Variants in TBC1D4 observed in about 807,000 individuals in gnomAD.
The protein encoded by TBC1D4 is TBC (Tre-2, BUB2, CDC16) domain-containing protein.
Under a neutral mutation model 142.5 loss-of-function variants are expected in TBC1D4, and 121 were observed. That is an observed-to-expected ratio of 0.85 (90% confidence interval 0.73 to 0.99). TBC1D4 has a LOEUF of 0.99. Ranked by LOEUF, TBC1D4 falls within the 50% of genes least tolerant of loss-of-function variation. TBC1D4 has a pLI of 0.00. For synonymous variants in TBC1D4, 630 were observed against 628.2 expected (o/e 1.00, Z -0.04); for missense variants, 1,475 against 1,606.6 (o/e 0.92, Z 1.40).
At chr13:75,356,419 G>C (rs1214086843) in intron 3 of TBC1D4, among the ~76,000 whole-genome samples, 168 bp from the exon 4 acceptor site, 1 of 152,170 alleles carries the variant, frequency 6.6e-6, no homozygotes, top group African/African-American at 2.4e-5. Flanking sequence ...GTGGCCTGTT[G>C]ATACATAAAA....
rs61737965 is a variant in TBC1D4 at position 75,341,187 on chromosome 13, G to A, written c.1549C>T (p.His517Tyr). The A allele has an allele frequency of 2.3e-5, 37 of 1,613,696 alleles. No individual in the cohort carries two copies. Among genetic ancestry groups the A allele is most frequent in the Non-Finnish European group, 2.9e-5 (34 of 1,179,926 alleles). Residue 517 changes from histidine to tyrosine, a missense_variant, in exon 7 of 21, where the codon CAC becomes TAC. Transcript: ENST00000377636. ...DQEENELVIL[H>Y]LRQLCEAKQK... ...TTGGCTTCACACAGCTGCCTCAGGT[G>A]TAAAATCACAAGTTCATTTTCTTCC...
In TBC1D4 at chr13:75,299,266, G is replaced by A. The variant is rs1566350002; in HGVS notation, c.3156+64C>T. The A allele has an allele frequency of 2.5e-6, 4 of 1,609,352 alleles. No homozygotes were observed. In the Admixed American group the frequency reaches 6.7e-5, roughly 27 times the overall value. ...TCTTTAAATCTGAACTGTAATAATT[G>A]AGAAGAGGGCCAGGATTTCTGGTAA... On this transcript the variant is annotated intron_variant, in intron 17 of 20. Transcript: ENST00000377636.
chr13:75,306,450 G>T lies in TBC1D4; in HGVS notation c.2615C>A (p.Ser872Tyr), dbSNP rs868504167. The T allele has an allele frequency of 6.2e-7, 1 of 1,613,104 alleles. No homozygotes were observed. The highest frequency in any genetic ancestry group is 8.5e-7 in the Non-Finnish European group (1 of 1,179,840). ...KLEASRDELQ[S>Y]RKVKLDYEEV... is the part of the protein sequence containing the mutation. ...TTCATAGTCTAATTTAACTTTTCTG[G>T]ACTGGAGTTCATCTCTGCTTGCTAA... The change falls in exon 15 of 21, where the codon TCC becomes TAC. Residue 872 changes from serine (S) to tyrosine (Y), a missense_variant. This residue lies in a region of TBC1D4 where 1,227 missense variants were observed against 1,267.7 expected (regional missense o/e 0.97). Transcript: ENST00000377636.
At chr13:75,309,277 T>C (rs1593901133) in intron 14 of TBC1D4, among the ~76,000 whole-genome samples, 1 of 152,020 alleles carries the variant, frequency 6.6e-6, no homozygotes, top group East Asian at 1.9e-4. Context: ...AAAAACACAT[T>C]CCAAAGCATT....
chr13:75,391,760 C>A (rs1218363955), intron 1 of TBC1D4, among the ~76,000 whole-genome samples: 2 of 152,182 alleles, frequency 1.3e-5, no homozygotes, highest in Non-Finnish European at 2.9e-5. Context: ...ATGCCCTACT[C>A]CCTCTCTGAG....
intron 1 of TBC1D4, among the ~76,000 whole-genome samples, chr13:75,440,973 A>G (rs932144571): frequency 6.6e-6 from 1 of 152,056 alleles, no homozygotes; most frequent in Non-Finnish European, 1.5e-5. Flanking sequence ...AAAAAAGAGG[A>G]CAGGCCAGGC....
At chr13:75,356,518 C>T (rs76583198) in intron 3 of TBC1D4, among the ~76,000 whole-genome samples, 2,504 of 152,244 alleles carry the variant, frequency 0.016, 31 homozygotes, top group South Asian at 0.042. Flanking sequence ...ATGGTATGAT[C>T]CACTGTGTCT....
chr13:75,303,082 C>T (rs1463819679), intron 15 of TBC1D4, among the ~76,000 whole-genome samples: 5 of 152,134 alleles, frequency 3.3e-5, no homozygotes. Context: ...CTTTGGGAGG[C>T]CAAGGTGGGT....
At chr13:75,302,485 G>A in intron 15 of TBC1D4, 84 bp from the exon 16 acceptor site, 1 of 1,535,338 alleles carries the variant, frequency 6.5e-7, no homozygotes, top group South Asian at 1.1e-5. Context: ...TATAATTCTG[G>A]TAAACAGGCA....
chr13:75,318,558 T>C (rs1363966896), intron 12 of TBC1D4, among the ~76,000 whole-genome samples: 1 of 152,190 alleles, frequency 6.6e-6, no homozygotes, highest in Non-Finnish European at 1.5e-5. Flanking sequence ...AATGAAACCA[T>C]ATTTTTTCTA....
chr13:75,480,862 C>T (rs1298903657), intron 1 of TBC1D4, among the ~76,000 whole-genome samples: 2 of 136,076 alleles, frequency 1.5e-5, no homozygotes, highest in African/African-American at 5.6e-5. Flanking sequence ...TACACGCGCT[C>T]GCGCGCACAC....
chr13:75,299,059 T>G (rs1452349420), intron 17 of TBC1D4, among the ~76,000 whole-genome samples: 1 of 152,248 alleles, frequency 6.6e-6, no homozygotes, highest in East Asian at 1.9e-4. Flanking sequence ...CATAAAGGAC[T>G]GGGTCCTCAT....
At chr13:75,351,698 G>A (rs1881618000) in intron 4 of TBC1D4, among the ~76,000 whole-genome samples, 1 of 151,434 alleles carries the variant, frequency 6.6e-6, no homozygotes, top group Non-Finnish European at 1.5e-5. Context: ...GCAACAGTTT[G>A]CTGAGAATGA....
intron 5 of TBC1D4, 42 bp from the exon 6 acceptor site, chr13:75,341,629 A>C (rs773636316): frequency 6.7e-7 from 1 of 1,500,270 alleles, no homozygotes; most frequent in Non-Finnish European, 9.3e-7. Context: ...AGAGTCTAGC[A>C]GCAGAGATCC....
chr13:75,403,304 T>C (rs1885188017), intron 1 of TBC1D4, among the ~76,000 whole-genome samples: 3 of 152,244 alleles, frequency 2.0e-5, no homozygotes, highest in Admixed American at 2.0e-4. Flanking sequence ...TTATTAGTTC[T>C]AGTTTCGCAG....
chr13:75,451,068 G>A (rs1284080565), intron 1 of TBC1D4, among the ~76,000 whole-genome samples: 4 of 152,148 alleles, frequency 2.6e-5, no homozygotes, highest in Non-Finnish European at 4.4e-5. Context: ...TTAGGTGCCT[G>A]CAAAATTGAT....
At chr13:75,306,187 T>C in intron 15 of TBC1D4, 126 bp downstream of exon 15, 1 of 897,056 alleles carries the variant, frequency 1.1e-6, no homozygotes, top group Non-Finnish European at 1.6e-6. Context: ...ACTTCTCTTT[T>C]TTTACTAAGC....
At chr13:75,293,456 T>C (rs2137844211) in intron 18 of TBC1D4, among the ~76,000 whole-genome samples, 1 of 152,346 alleles carries the variant, frequency 6.6e-6, no homozygotes, top group South Asian at 2.1e-4. Context: ...TCTTGAACTC[T>C]TGATATCAAG....
intron 1 of TBC1D4, among the ~76,000 whole-genome samples, chr13:75,466,264 G>A (rs2138304112): frequency 6.6e-6 from 1 of 152,288 alleles, no homozygotes; most frequent in South Asian, 2.1e-4. Flanking sequence ...GCAGAAGTTA[G>A]TTACTTCTTT....
Sources: allele counts gnomAD v4.1 joint callset (sites outside exome capture counted in the v4.1 genomes callset), GRCh38; gene constraint gnomAD v4.1.1; regional missense constraint gnomAD v4.1.1; transcripts MANE v1.5; gene names NCBI Gene and HGNC (gene_info 2026-07-23, HGNC 2026-07-21).